RBM20: variants seen among roughly 807,000 people sequenced by gnomAD.
RBM20 encodes RNA-binding protein 20.
RBM20 carries 51 observed loss-of-function variants against 110.1 expected under a neutral mutation model. The ratio of observed to expected loss-of-function variants is 0.46; its 90% CI spans 0.37 to 0.59. The LOEUF (loss-of-function observed/expected upper bound fraction) is 0.59, where lower values mean the gene tolerates loss of function less well. RBM20 is among the 20% of genes least tolerant of loss of function. The pLI, the probability that RBM20 is intolerant of heterozygous loss-of-function variation, is 0.00. For synonymous variants in RBM20, 589 were observed against 618.2 expected (o/e 0.95, Z 0.70); for missense variants, 1,512 against 1,574.9 (o/e 0.96, Z 0.68).
At chr10:110,730,323 T>C (rs1367547517) in intron 1 of RBM20, among the ~76,000 whole-genome samples, 1 of 152,238 alleles carries the variant, frequency 6.6e-6, no homozygotes, top group African/African-American at 2.4e-5. Context: ...ATGGCAAAGG[T>C]TTAAGAACAT....
intron 3 of RBM20, 79 bp from the exon 4 acceptor site, chr10:110,784,262 C>T (rs561418940): frequency 3.6e-5 from 38 of 1,056,792 alleles, no homozygotes; most frequent in East Asian, 1.8e-4. Context: ...TCTGCACCTA[C>T]GAGTGGAATT....
At chr10:110,726,344 T>C (rs2134941478) in intron 1 of RBM20, among the ~76,000 whole-genome samples, 1 of 152,268 alleles carries the variant, frequency 6.6e-6, no homozygotes, top group African/African-American at 2.4e-5. Flanking sequence ...CTTTCTAAGG[T>C]CTCCCCTATC....
At chr10:110,746,021 G>A (rs924491289) in intron 1 of RBM20, among the ~76,000 whole-genome samples, 1 of 152,128 alleles carries the variant, frequency 6.6e-6, no homozygotes, top group Non-Finnish European at 1.5e-5. Context: ...GATTCTGTGG[G>A]TTATGACTTG....
chr10:110,812,508 T>A lies in RBM20; in HGVS notation c.2111T>A (p.Met704Lys). 6.4e-7 allele frequency: 1 copy of A among 1,551,530 alleles called. No individual in the cohort carries two copies. Among genetic ancestry groups the A allele is most frequent in the Non-Finnish European group, 8.7e-7 (1 of 1,146,942 alleles). The change falls in exon 9 of 14, where the codon ATG (methionine) becomes AAG (lysine). Residue 704 changes from methionine to lysine, a missense_variant. Physicochemically the swap from Met to Lys is moderately conservative, Grantham distance 95. This residue lies in a region of RBM20 where 1,149 missense variants were observed against 1,169.4 expected (regional missense o/e 0.98). Coordinates refer to ENST00000369519, the MANE Select transcript of RBM20 (RefSeq NM_001134363.3). ...AACGGAGATGACAAGAGGGACAGGA[T>A]GGACCCCTGGGCACATGATCGCAAA... Reference protein sequence around the residue: ...RDNGDDKRDRMDPWAHDRKHH... With the variant: ...RDNGDDKRDRKDPWAHDRKHH...
At chr10:110,680,665 G>C (rs1024849140) in intron 1 of RBM20, among the ~76,000 whole-genome samples, 16 of 152,324 alleles carry the variant, frequency 1.1e-4, no homozygotes, top group African/African-American at 3.8e-4. Context: ...TCACCTGGGG[G>C]CGGGGAGGGT....
At chr10:110,782,368 C>A (rs1170080921) in intron 2 of RBM20, among the ~76,000 whole-genome samples, 1 of 152,158 alleles carries the variant, frequency 6.6e-6, no homozygotes, top group East Asian at 1.9e-4. Flanking sequence ...GCTTCCCCAT[C>A]AGCAAAATGG....
chr10:110,643,304 TTCTC>T (rs1375136269), upstream of RBM20, among the ~76,000 whole-genome samples: 1 of 150,106 alleles, frequency 6.7e-6, no homozygotes, highest in Non-Finnish European at 1.5e-5. Context: ...TCTCTGGTCT[TTCTC>T]TGCTCCGTAG....
intron 1 of RBM20, among the ~76,000 whole-genome samples, chr10:110,766,164 A>T (rs1590663417): frequency 6.6e-6 from 1 of 152,232 alleles, no homozygotes; most frequent in African/African-American, 2.4e-5. Context: ...CAGCCAAGGC[A>T]GTTTTCAATC....
At chr10:110,681,920 G>A (rs563365499) in intron 1 of RBM20, among the ~76,000 whole-genome samples, 2 of 150,232 alleles carry the variant, frequency 1.3e-5, no homozygotes, top group East Asian at 2.0e-4. Context: ...ACAAAGTTTC[G>A]CTCTTGTTGC....
intron 1 of RBM20, among the ~76,000 whole-genome samples, chr10:110,699,856 G>A (rs1302638650): frequency 6.6e-6 from 1 of 152,076 alleles, no homozygotes; most frequent in African/African-American, 2.4e-5. Flanking sequence ...GCGAAATAAG[G>A]ATGTCTTGAT....
chr10:110,674,007 C>T (rs1159890119), intron 1 of RBM20, among the ~76,000 whole-genome samples: 1 of 152,146 alleles, frequency 6.6e-6, no homozygotes, highest in Non-Finnish European at 1.5e-5. Context: ...TGAGGCAAGG[C>T]CAGACTTGAG....
At position 110,733,206 on chromosome 10, in the gene RBM20, G is replaced by A. The variant is rs543892785; in HGVS notation, c.192-47595G>A. Among the ~76,000 whole-genome samples, 24 of 152,276 alleles carry A rather than the reference G, an allele frequency of 1.6e-4. No homozygotes were observed. The East Asian group carries it at 4.4e-3, about 28-fold the overall frequency. On this transcript the variant is annotated intron_variant, in intron 1 of 13. Transcript: ENST00000369519. ...TACTACTTACTTGAAGTTGTTCTTG[G>A]GATCTCTTTCTGCCCTTCTTGCTCC...
intron 8 of RBM20, 29 bp downstream of exon 8, chr10:110,810,491 C>G (rs758866431): frequency 6.6e-7 from 1 of 1,510,388 alleles, no homozygotes. Flanking sequence ...AGTCTCCAGG[C>G]AGGTTCTGGG....
At chr10:110,661,164 G>A (rs147679362) in intron 1 of RBM20, among the ~76,000 whole-genome samples, 99 of 152,314 alleles carry the variant, frequency 6.5e-4, no homozygotes, top group Middle Eastern at 6.8e-3. Flanking sequence ...GGTGGCATTT[G>A]TTCCCTCTCT....
At chr10:110,688,483 A>G (rs1394145395) in intron 1 of RBM20, among the ~76,000 whole-genome samples, 4 of 152,202 alleles carry the variant, frequency 2.6e-5, no homozygotes, top group Non-Finnish European at 5.9e-5. Context: ...TCATACCACA[A>G]CATAATTGTT....
intron 1 of RBM20, among the ~76,000 whole-genome samples, chr10:110,693,976 A>G (rs1862625766): frequency 6.6e-6 from 1 of 152,318 alleles, no homozygotes. Flanking sequence ...TTTGGCTCAA[A>G]TTTAAATTTC....
Position 110,821,259 on chromosome 10 carries a change from C to T in RBM20, c.2656-16C>T. On this transcript the variant is annotated splice_polypyrimidine_tract_variant and intron_variant, in intron 10 of 13. Coordinates refer to ENST00000369519, the MANE Select transcript of RBM20 (RefSeq NM_001134363.3). ...TCTCAACCACCCTCTGACCTCCATT[C>T]TGCATTTTTGTACAGGAACAAGATT... 1.3e-6 allele frequency: 2 copies of T among 1,546,724 alleles called. No homozygotes were observed. Among genetic ancestry groups the T allele is most frequent in the African/African-American group, 2.7e-5 (2 of 73,044 alleles).
intron 1 of RBM20, among the ~76,000 whole-genome samples, chr10:110,737,795 A>T (rs1292600754): frequency 2.0e-5 from 3 of 152,158 alleles, no homozygotes; most frequent in Non-Finnish European, 4.4e-5. Context: ...ACCACTATTT[A>T]TTCATTCTAC....
chr10:110,798,724 GA>G (rs1413881871), intron 6 of RBM20, among the ~76,000 whole-genome samples: 2 of 152,206 alleles, frequency 1.3e-5, no homozygotes, highest in East Asian at 3.9e-4. Flanking sequence ...AGAGAAGGAA[GA>G]GAATGAGCTT....
Sources: gnomAD v4.1 joint callset for allele counts (sites outside exome capture counted in the v4.1 genomes callset) on GRCh38, gnomAD v4.1.1 for gene constraint, gnomAD v4.1.1 regional missense constraint, MANE v1.5 for transcripts, NCBI Gene and HGNC (gene_info 2026-07-23, HGNC 2026-07-21) for gene names.